Variants in CCDC91 observed in about 807,000 individuals in gnomAD.
CCDC91 encodes coiled-coil domain-containing protein 91.
Under a neutral mutation model 63.2 loss-of-function variants are expected in CCDC91, and 48 were observed. The observed-to-expected ratio is 0.76, with a 90% CI of 0.60 to 0.97. The LOEUF (loss-of-function observed/expected upper bound fraction) is 0.97. CCDC91 is among the 50% of genes least tolerant of loss of function. The pLI is 0.00. For synonymous variants in CCDC91, 167 were observed against 165.8 expected (o/e 1.01, Z -0.06); for missense variants, 500 against 494.6 (o/e 1.01, Z -0.10).
chr12:28,269,637 G>C (rs1311973335), intron 3 of CCDC91, among the ~76,000 whole-genome samples: 1 of 152,068 alleles, frequency 6.6e-6, no homozygotes, highest in East Asian at 1.9e-4. Context: ...TTACCTGTTT[G>C]TGACATTTGA....
At chr12:28,414,168 T>C (rs189265277) in intron 8 of CCDC91, among the ~76,000 whole-genome samples, 1 of 152,220 alleles carries the variant, frequency 6.6e-6, no homozygotes, top group Admixed American at 6.5e-5. Context: ...TGTCTTTGTC[T>C]TTCTAAAATT....
chr12:28,275,704 C>T (rs1257691525), intron 3 of CCDC91, among the ~76,000 whole-genome samples: 2 of 151,938 alleles, frequency 1.3e-5, no homozygotes, highest in Non-Finnish European at 2.9e-5. Flanking sequence ...CTGATGAACA[C>T]CGATGCAAAA....
At chr12:28,378,909 G>C (rs1429938785) in intron 7 of CCDC91, among the ~76,000 whole-genome samples, 2 of 152,016 alleles carry the variant, frequency 1.3e-5, no homozygotes, top group African/African-American at 2.4e-5. Context: ...GTGTGCCTCT[G>C]TGTTTCCTGG....
chr12:28,538,879 G>A (rs562019281), intron 12 of CCDC91, among the ~76,000 whole-genome samples: 45 of 152,204 alleles, frequency 3.0e-4, no homozygotes, highest in Non-Finnish European at 4.7e-4. Context: ...ATATTTTCAT[G>A]TGTCTTTTGG....
At chr12:28,488,039 C>G (rs2140965189) in intron 12 of CCDC91, among the ~76,000 whole-genome samples, 1 of 151,698 alleles carries the variant, frequency 6.6e-6, no homozygotes, top group Non-Finnish European at 1.5e-5. Context: ...TTACAAATTG[C>G]TATATGAGGT....
At chr12:28,440,469 A>G (rs1262192606) in intron 8 of CCDC91, among the ~76,000 whole-genome samples, 1 of 152,196 alleles carries the variant, frequency 6.6e-6, no homozygotes, top group African/African-American at 2.4e-5. Flanking sequence ...ACCTATATGT[A>G]AAAGCTCTTA....
intron 12 of CCDC91, among the ~76,000 whole-genome samples, chr12:28,486,142 C>T (rs1438997298): frequency 1.3e-5 from 2 of 152,140 alleles, no homozygotes; most frequent in Non-Finnish European, 2.9e-5. Flanking sequence ...TCCTGTTTCT[C>T]TCTAACCCAA....
intron 12 of CCDC91, among the ~76,000 whole-genome samples, chr12:28,503,887 A>C (rs1257793019): frequency 2.0e-5 from 3 of 151,916 alleles, no homozygotes; most frequent in African/African-American, 7.2e-5. Flanking sequence ...TTGAACAATG[A>C]GAACACATGG....
intron 12 of CCDC91, among the ~76,000 whole-genome samples, chr12:28,493,659 A>G (rs1043603585): frequency 2.6e-5 from 4 of 151,786 alleles, no homozygotes; most frequent in Admixed American, 6.6e-5. Context: ...CCCATTGCCA[A>G]TATTTAAACC....
intron 1 of CCDC91, among the ~76,000 whole-genome samples, chr12:28,241,181 C>T (rs1321127418): frequency 6.6e-6 from 1 of 152,060 alleles, no homozygotes; most frequent in Non-Finnish European, 1.5e-5. Context: ...GTTGCTATCC[C>T]CTTTGTATAT....
intron 1 of CCDC91, among the ~76,000 whole-genome samples, chr12:28,248,527 T>TAGAAAACTAGGA (rs1945912120): frequency 6.6e-6 from 1 of 152,156 alleles, no homozygotes; most frequent in Non-Finnish European, 1.5e-5. Context: ...CTAAAGCAGT[T>TAGAAAACTAGGA]AGAAAACTAG....
At chr12:28,527,925 A>G (rs11049694) in intron 12 of CCDC91, among the ~76,000 whole-genome samples, 96 of 151,714 alleles carry the variant, frequency 6.3e-4, no homozygotes, top group African/African-American at 2.2e-3. Flanking sequence ...TCTAACCCAA[A>G]TGGCTGGTCT....
intron 3 of CCDC91, among the ~76,000 whole-genome samples, chr12:28,289,765 C>T (rs922964070): frequency 9.8e-5 from 14 of 143,378 alleles, no homozygotes; most frequent in African/African-American, 3.1e-4. Context: ...GATCTCGGCT[C>T]ACTGCAAGCT....
At chr12:28,318,662 G>T (rs971580327) in intron 6 of CCDC91, among the ~76,000 whole-genome samples, 2 of 151,942 alleles carry the variant, frequency 1.3e-5, no homozygotes, top group African/African-American at 4.8e-5. Context: ...AACAATATAG[G>T]TACAGGTTTT....
At chr12:28,292,358 A>G (rs956829526) in intron 3 of CCDC91, among the ~76,000 whole-genome samples, 1 of 152,244 alleles carries the variant, frequency 6.6e-6, no homozygotes, top group African/African-American at 2.4e-5. Flanking sequence ...TTTAATGGAT[A>G]TAATAACAAT....
intron 8 of CCDC91, among the ~76,000 whole-genome samples, chr12:28,430,723 G>T (rs1592652527): frequency 6.6e-6 from 1 of 152,162 alleles, no homozygotes; most frequent in Non-Finnish European, 1.5e-5. Context: ...TTTTCCTGGA[G>T]AAATATTTCT....
chr12:28,198,535 A>G (rs1010678498), intron 1 of CCDC91, among the ~76,000 whole-genome samples: 3 of 152,228 alleles, frequency 2.0e-5, no homozygotes, highest in Non-Finnish European at 4.4e-5. Context: ...GCTGAATGAC[A>G]TTAAATGGGC....
intron 3 of CCDC91, among the ~76,000 whole-genome samples, chr12:28,278,120 C>G (rs1433650228): frequency 6.6e-6 from 1 of 152,052 alleles, no homozygotes; most frequent in Non-Finnish European, 1.5e-5. Context: ...TGTCAGTCCT[C>G]TAGCCTGCCT....
At chr12:28,221,663 G>A (rs1592026179) in intron 1 of CCDC91, among the ~76,000 whole-genome samples, 1 of 152,290 alleles carries the variant, frequency 6.6e-6, no homozygotes. Flanking sequence ...TGAGGATTCA[G>A]CTGAATGCTC....
Sources: allele counts gnomAD v4.1 joint callset (sites outside exome capture counted in the v4.1 genomes callset), GRCh38; gene constraint gnomAD v4.1.1; transcripts MANE v1.5; gene names NCBI Gene and HGNC (gene_info 2026-07-23, HGNC 2026-07-21).